The following SNRPN variants were observed in gnomAD, a reference collection of about 807,000 sequenced individuals.
SNRPN encodes the protein small nuclear ribonucleoprotein-associated protein N.
SNRPN carries 7 observed loss-of-function variants against 25.2 expected under a neutral mutation model. That is an observed-to-expected ratio of 0.28 (90% CI 0.16 to 0.52). The LOEUF is 0.52. Ranked by LOEUF, SNRPN falls within the 20% of genes least tolerant of loss-of-function variation. The pLI, the probability that SNRPN is intolerant of heterozygous loss-of-function variation, is 0.96. For synonymous variants in SNRPN, 124 were observed against 110.6 expected, an observed-to-expected ratio of 1.12 and a Z score of -0.76; for missense variants, 196 against 322.5, an observed-to-expected ratio of 0.61 and a Z score of 3.00.
intron 3 of SNRPN, among the ~76,000 whole-genome samples, chr15:24,972,112 C>T (rs577093816): frequency 7.2e-5 from 11 of 151,952 alleles, no homozygotes; most frequent in Admixed American, 2.0e-4. Flanking sequence ...AAAAATTAGC[C>T]GGGTGTGGTG....
At chr15:24,901,630 AT>A (rs1213091274) in intron 2 of SNRPN, among the ~76,000 whole-genome samples, 1 of 151,890 alleles carries the variant, frequency 6.6e-6, no homozygotes, top group African/African-American at 2.4e-5. Flanking sequence ...GCAGGTATTG[AT>A]TTTGAAGTTA....
chr15:24,956,495 C>T (rs1177631511), intron 1 of SNRPN, among the ~76,000 whole-genome samples: 4 of 152,146 alleles, frequency 2.6e-5, no homozygotes, highest in African/African-American at 9.7e-5. Flanking sequence ...CCAAGGTGGG[C>T]GGCTGCCCCC....
At chr15:24,883,521 A>G (rs868385064) in intron 1 of SNRPN, among the ~76,000 whole-genome samples, 6 of 152,204 alleles carry the variant, frequency 3.9e-5, no homozygotes, top group African/African-American at 1.4e-4. Context: ...CTGTCCCTGC[A>G]TCCTCCACCA....
At chr15:24,934,846 C>T (rs908230874) in intron 3 of SNRPN, among the ~76,000 whole-genome samples, 6 of 152,288 alleles carry the variant, frequency 3.9e-5, no homozygotes, top group South Asian at 4.1e-4. Context: ...CATGAGCCAC[C>T]GTGCTTGGCT....
intron 2 of SNRPN, among the ~76,000 whole-genome samples, chr15:24,894,285 C>G: frequency 6.6e-6 from 1 of 151,400 alleles, no homozygotes; most frequent in Non-Finnish European, 1.5e-5. Flanking sequence ...GTGGTGTGAT[C>G]TCGGCTCACT....
upstream of SNRPN, chr15:24,954,809 T>A: frequency 1.7e-6 from 1 of 599,238 alleles, no homozygotes. Flanking sequence ...ATTGCAACAG[T>A]GCTGTGGGGC....
intron 1 of SNRPN, among the ~76,000 whole-genome samples, chr15:24,957,272 A>T (rs1471760564): frequency 6.6e-6 from 1 of 152,180 alleles, no homozygotes; most frequent in Non-Finnish European, 1.5e-5. Flanking sequence ...AGGTGTTTCA[A>T]ACACTGGACC....
intron 2 of SNRPN, among the ~76,000 whole-genome samples, chr15:24,836,384 A>T (rs753991636): frequency 1.3e-5 from 2 of 151,888 alleles, no homozygotes; most frequent in Non-Finnish European, 2.9e-5. Flanking sequence ...CTCATAACAA[A>T]ATCCAGATTA....
At chr15:24,927,702 T>C (rs950623696) in intron 3 of SNRPN, among the ~76,000 whole-genome samples, 2 of 152,108 alleles carry the variant, frequency 1.3e-5, no homozygotes, top group African/African-American at 4.8e-5. Context: ...ATAATGTTTT[T>C]TATAGCTTTT....
At chr15:24,893,429 C>T (rs2057838891) in intron 2 of SNRPN, among the ~76,000 whole-genome samples, 1 of 151,752 alleles carries the variant, frequency 6.6e-6, no homozygotes, top group South Asian at 2.1e-4. Context: ...CCAGCCTGGG[C>T]AACGTATTGA....
intron 5 of SNRPN, among the ~76,000 whole-genome samples, chr15:24,975,776 G>A (rs1341754551): frequency 6.6e-6 from 1 of 152,122 alleles, no homozygotes; most frequent in Non-Finnish European, 1.5e-5. Context: ...TTTTAAAATT[G>A]AGAAAAATGC....
chr15:24,970,759 A>G (rs1392201843), intron 3 of SNRPN, among the ~76,000 whole-genome samples: 1 of 152,188 alleles, frequency 6.6e-6, no homozygotes, highest in Non-Finnish European at 1.5e-5. Flanking sequence ...GATGGCCACT[A>G]AAAATTAGTA....
intron 2 of SNRPN, among the ~76,000 whole-genome samples, chr15:24,906,836 T>A (rs912268821): frequency 2.0e-5 from 3 of 152,136 alleles, no homozygotes; most frequent in African/African-American, 7.2e-5. Context: ...CCAGTCTATT[T>A]CTAATTAGGT....
chr15:24,861,709 T>C (rs998785852), intron 1 of SNRPN, among the ~76,000 whole-genome samples: 18 of 152,288 alleles, frequency 1.2e-4, no homozygotes, highest in African/African-American at 3.8e-4. Flanking sequence ...TTGTCTTTCC[T>C]TGACAGAATA....
intron 2 of SNRPN, among the ~76,000 whole-genome samples, chr15:24,895,762 G>A (rs979705525): frequency 1.3e-5 from 2 of 152,136 alleles, no homozygotes; most frequent in African/African-American, 4.8e-5. Flanking sequence ...TCCATATATT[G>A]AAGATAGATT....
intron 2 of SNRPN, 71 bp downstream of exon 2, chr15:24,962,280 A>G: frequency 8.4e-7 from 1 of 1,196,398 alleles, no homozygotes; most frequent in East Asian, 2.4e-5. Context: ...AATATCATGC[A>G]ATGAGGGGAT....
At chr15:24,968,615 A>G (rs182231923) in intron 3 of SNRPN, among the ~76,000 whole-genome samples, 27 of 152,268 alleles carry the variant, frequency 1.8e-4, no homozygotes, top group Admixed American at 1.6e-3. Flanking sequence ...ACATACTTTC[A>G]CAGCATTATT....
intron 1 of SNRPN, among the ~76,000 whole-genome samples, chr15:24,869,117 C>T (rs998358492): frequency 6.6e-6 from 1 of 152,048 alleles, no homozygotes; most frequent in African/African-American, 2.4e-5. Flanking sequence ...AGCGCTCCAG[C>T]CTGAGCTACA....
intron 1 of SNRPN, among the ~76,000 whole-genome samples, chr15:24,876,953 A>G (rs2055959954): frequency 2.0e-5 from 3 of 152,322 alleles, no homozygotes; most frequent in South Asian, 2.1e-4. Flanking sequence ...TGCCGTGTCA[A>G]TGTGTTGGTA....
Sources: allele counts gnomAD v4.1 joint callset (sites outside exome capture counted in the v4.1 genomes callset), GRCh38; gene constraint gnomAD v4.1.1; transcripts MANE v1.5; gene names NCBI Gene and HGNC (gene_info 2026-07-23, HGNC 2026-07-21).